DCP2: variants seen among roughly 807,000 people sequenced by gnomAD.
The protein encoded by DCP2 is m7GpppN-mRNA hydrolase.
A neutral mutation model predicts 56.1 loss-of-function variants in DCP2; 30 were observed. The ratio of observed to expected loss-of-function variants is 0.53; its 90% CI spans 0.40 to 0.73. The LOEUF (loss-of-function observed/expected upper bound fraction) is 0.73, where lower values mean the gene tolerates loss of function less well. DCP2 is among the 30% of genes least tolerant of loss of function. DCP2 has a pLI of 0.00. For synonymous variants in DCP2, 197 were observed against 163.3 expected, an observed-to-expected ratio of 1.21 and a Z score of -1.57; for missense variants, 533 against 502.7, an observed-to-expected ratio of 1.06 and a Z score of -0.58.
At chr5:113,009,212 T>C (rs1186885573) in intron 9 of DCP2, among the ~76,000 whole-genome samples, 1 of 152,238 alleles carries the variant, frequency 6.6e-6, no homozygotes, top group Non-Finnish European at 1.5e-5. Context: ...ACATTTAATA[T>C]GATACCAATA....
intron 7 of DCP2, among the ~76,000 whole-genome samples, chr5:113,003,348 C>T (rs1013915163): frequency 2.0e-5 from 3 of 152,162 alleles, no homozygotes; most frequent in Admixed American, 6.5e-5. Context: ...TAATTTTATA[C>T]TTTAGAGGGT....
intron 4 of DCP2, among the ~76,000 whole-genome samples, chr5:112,994,150 CCTTTTTTTCTTT>C (rs1384531546): frequency 7.1e-6 from 1 of 141,826 alleles, no homozygotes; most frequent in Non-Finnish European, 1.5e-5. Context: ...GAAGTTCATT[CCTTTTTTTCTTT>C]CTTTTTTTTT....
At chr5:112,993,967 T>G (rs1256987119) in intron 4 of DCP2, among the ~76,000 whole-genome samples, 1 of 151,812 alleles carries the variant, frequency 6.6e-6, no homozygotes, top group African/African-American at 2.4e-5. Flanking sequence ...TATTTATTTA[T>G]TTATTTATTT....
chr5:112,985,747 G>A, intron 1 of DCP2, 88 bp from the exon 2 acceptor site: 1 of 1,453,058 alleles, frequency 6.9e-7, no homozygotes, highest in Non-Finnish European at 9.4e-7. Context: ...TTCTCAGTTG[G>A]TGGGTCAGGT....
chr5:112,996,876 T>C (rs758396157), intron 4 of DCP2, among the ~76,000 whole-genome samples: 2 of 152,232 alleles, frequency 1.3e-5, no homozygotes, highest in Non-Finnish European at 2.9e-5. Context: ...ATGGGTTTAT[T>C]TGCAATTTTA....
At chr5:112,985,139 A>G (rs1237486908) in intron 1 of DCP2, among the ~76,000 whole-genome samples, 1 of 152,220 alleles carries the variant, frequency 6.6e-6, no homozygotes, top group African/African-American at 2.4e-5. Flanking sequence ...ACTGCTCTGA[A>G]TTACAACATT....
intron 10 of DCP2, among the ~76,000 whole-genome samples, chr5:113,012,131 A>G (rs7701781): frequency 0.46 from 70,488 of 151,938 alleles, 17,263 homozygotes; most frequent in East Asian, 0.63. Flanking sequence ...TAAAAGCCGT[A>G]TATTCAGGGA....
At chr5:112,985,236 G>A (rs961068506) in intron 1 of DCP2, among the ~76,000 whole-genome samples, 11 of 152,004 alleles carry the variant, frequency 7.2e-5, no homozygotes, top group Non-Finnish European at 1.5e-4. Context: ...CAATATTAGT[G>A]TATATTAATA....
At chr5:113,010,332 C>T (rs1749629025) in intron 9 of DCP2, among the ~76,000 whole-genome samples, 1 of 151,734 alleles carries the variant, frequency 6.6e-6, no homozygotes, top group Non-Finnish European at 1.5e-5. Context: ...AGCTGTGAGC[C>T]ACTGTCTCTG....
At chr5:112,994,610 G>T (rs1187819206) in intron 4 of DCP2, among the ~76,000 whole-genome samples, 1 of 152,098 alleles carries the variant, frequency 6.6e-6, no homozygotes, top group Non-Finnish European at 1.5e-5. Flanking sequence ...ATTGTTTGCC[G>T]TATTCTTATT....
Position 113,003,966 on chromosome 5 carries a change from G to A in DCP2, c.831G>A (p.Gln277=), listed in dbSNP as rs759200225. 16 of 1,613,966 alleles carry A rather than the reference G, an allele frequency of 9.9e-6. No homozygotes were observed. The South Asian group carries it at 1.6e-4, about 17-fold the overall frequency. ...GTCGAACCAAATTCCGCCACAGTCA[G>A]CAGTTATTTCCTGACGGTTCTCCTG... The part of the protein sequence containing the change: ...KLSRTKFRHS[Q]QLFPDGSPGD... Residue 277 remains glutamine, a synonymous_variant, in exon 8 of 11, where the codon CAG becomes CAA. Coordinates refer to ENST00000389063, the MANE Select transcript of DCP2 (RefSeq NM_152624.6).
chr5:113,006,223 A>T (rs1337492767), intron 8 of DCP2, among the ~76,000 whole-genome samples: 1 of 152,160 alleles, frequency 6.6e-6, no homozygotes. Flanking sequence ...TAAATATCGT[A>T]TTAATGTTAT....
At chr5:112,985,733 C>T in intron 1 of DCP2, 102 bp from the exon 2 acceptor site, 2 of 1,343,368 alleles carry the variant, frequency 1.5e-6, no homozygotes, top group Middle Eastern at 3.8e-4. Context: ...GCTCTTGGTC[C>T]CTTTTCTCAG....
At chr5:112,981,365 C>A (rs1041805778) in intron 1 of DCP2, among the ~76,000 whole-genome samples, 1 of 152,042 alleles carries the variant, frequency 6.6e-6, no homozygotes, top group Admixed American at 6.6e-5. Flanking sequence ...TACAGTATTT[C>A]TTGAGTCTCT....
At chr5:113,013,226 T>C (rs2150193914) in intron 10 of DCP2, 95 bp from the exon 11 acceptor site, 4 of 1,325,820 alleles carry the variant, frequency 3.0e-6, no homozygotes, top group Admixed American at 2.4e-5. Context: ...AAATATATAC[T>C]CAAAACTAAT....
Position 113,020,883 on chromosome 5 carries a change from G to A in DCP2, c.*7399G>A, listed in dbSNP as rs1053043532. 3.9e-5 allele frequency: 6 copies of A among 152,134 alleles called. No individual in the cohort carries two copies. Among genetic ancestry groups the A allele is most frequent in the Admixed American group, 3.3e-4 (5 of 15,264 alleles). 9.4% of individuals were successfully genotyped at this position (152,134 alleles called of 1,614,324 possible). A position where few individuals can be genotyped will look rare whatever the true frequency, so the allele number is the denominator to read the frequency against. The stretch of plus-strand genomic sequence containing the variant: ...ACGATGGAAGGTTGTTCAGATACTG[G>A]CTTTCTGTAAAAACATCATTGTGTT... On this transcript the variant is annotated 3_prime_UTR_variant, in exon 11 of 11. Coordinates refer to ENST00000389063, the MANE Select transcript of DCP2 (RefSeq NM_152624.6).
At chr5:113,001,329 A>G (rs373545100) in intron 5 of DCP2, 28 bp from the exon 6 acceptor site, 2 of 1,598,128 alleles carry the variant, frequency 1.3e-6, no homozygotes, top group Non-Finnish European at 8.5e-7. Context: ...AAAATTAACT[A>G]AATGAATTAT....
intron 4 of DCP2, among the ~76,000 whole-genome samples, chr5:112,997,945 G>T (rs1030414480): frequency 4.6e-5 from 7 of 152,034 alleles, no homozygotes; most frequent in African/African-American, 1.7e-4. Context: ...AATTTTATTT[G>T]TGGATTTTTA....
At chr5:112,977,118 C>T (rs983133802) in intron 1 of DCP2, 132 bp downstream of exon 1, 3 of 636,282 alleles carry the variant, frequency 4.7e-6, no homozygotes, top group African/African-American at 1.9e-5. Flanking sequence ...GCTCGCTTTC[C>T]ATCGTCGACC....
Sources: gnomAD v4.1 joint callset for allele counts (sites outside exome capture counted in the v4.1 genomes callset) on GRCh38, gnomAD v4.1.1 for gene constraint, MANE v1.5 for transcripts, NCBI Gene and HGNC (gene_info 2026-07-23, HGNC 2026-07-21) for gene names.